The following PRDM16 variants were observed in gnomAD, a reference collection of about 807,000 sequenced individuals.
The protein encoded by PRDM16 is PR/SET domain 16.
A neutral mutation model predicts 110.6 loss-of-function variants in PRDM16; 23 were observed. The observed-to-expected ratio is 0.21, with a 90% CI of 0.15 to 0.29. The LOEUF (loss-of-function observed/expected upper bound fraction) is 0.29. Among genes scored for constraint, PRDM16 ranks in the 10% least tolerant of loss-of-function variants. PRDM16 has a pLI of 1.00. For synonymous variants in PRDM16, 799 were observed against 781.8 expected (o/e 1.02, Z -0.37); for missense variants, 1,615 against 1,794.3 (o/e 0.90, Z 1.81).
At chr1:3,409,732 G>C (rs1202921519) in intron 8 of PRDM16, among the ~76,000 whole-genome samples, 3 of 145,820 alleles carry the variant, frequency 2.1e-5, no homozygotes, top group Non-Finnish European at 4.6e-5. Context: ...GGTGTGTGTA[G>C]TGTGGGTGTG....
rs761838087 is a variant in PRDM16 at position 3,436,497 on chromosome 1, G to A, written c.*2686G>A. The A allele has an allele frequency of 3.9e-5, 9 of 231,138 alleles. No homozygotes were observed. The highest frequency in any genetic ancestry group is 7.7e-5 in the Non-Finnish European group (9 of 116,776). The allele number at this position is 231,138 out of a possible 1,614,324, so 14.3% of individuals were successfully genotyped here. On this transcript the variant is annotated 3_prime_UTR_variant, in exon 17 of 17. Transcript: ENST00000270722. Reference sequence around the variant, plus strand: ...TTCTCCTGAGCATTCAGACCCCCAGGCCCCAGCACTTGGCGTTTTCAGGAG... The same window carrying A: ...TTCTCCTGAGCATTCAGACCCCCAGACCCCAGCACTTGGCGTTTTCAGGAG...
At chr1:3,249,977 C>T (rs776556778) in intron 3 of PRDM16, among the ~76,000 whole-genome samples, 27 of 152,174 alleles carry the variant, frequency 1.8e-4, no homozygotes, top group Non-Finnish European at 3.2e-4. Flanking sequence ...AGGTGTAAGG[C>T]GGCCCAGGCA....
In PRDM16 at chr1:3,209,387, T is replaced by A. The variant is rs1638826965; in HGVS notation, c.387+22913T>A. ...TCCCGACTGGCACACCTGCCCCGAGTCACCTGGGACGGACTGCAGCCAGCC... is the reference window on the plus strand; with the variant it reads ...TCCCGACTGGCACACCTGCCCCGAGACACCTGGGACGGACTGCAGCCAGCC... On this transcript the variant is annotated intron_variant, in intron 2 of 16. Coordinates refer to ENST00000270722, the MANE Select transcript of PRDM16 (RefSeq NM_022114.4). This position sits in a 1 kb window ranked among gnomAD's most constrained non-coding sequence, Gnocchi z 4.6. Among the ~76,000 whole-genome samples the A allele has an allele frequency of 1.3e-5, 2 of 152,020 alleles. No individual in the cohort carries two copies. Among genetic ancestry groups the A allele is most frequent in the African/African-American group, 4.8e-5 (2 of 41,364 alleles).
At position 3,396,544 on chromosome 1, in the gene PRDM16, C is replaced by A; in HGVS notation, c.627C>A (p.His209Gln). ...AGCCAGGTGAGGAGCTGCTGGTGCACGTGAAGGAAGGCGTCTACCCCCTGG... is the reference window on the plus strand; with the variant it reads ...AGCCAGGTGAGGAGCTGCTGGTGCAAGTGAAGGAAGGCGTCTACCCCCTGG... ...DIEPGEELLV[H>Q]VKEGVYPLGT... Residue 209 changes from histidine (H) to glutamine (Q), a missense_variant, in exon 5 of 17, where the codon CAC becomes CAA. His to Gln is a conservative substitution (Grantham distance 24). Coordinates refer to ENST00000270722, the MANE Select transcript of PRDM16 (RefSeq NM_022114.4). 1 of 1,607,406 alleles carries A rather than the reference C, an allele frequency of 6.2e-7. No individual in the cohort carries two copies. Among genetic ancestry groups the A allele is most frequent in the Non-Finnish European group, 8.5e-7 (1 of 1,176,802 alleles).
chr1:3,183,858 A>G (rs1644237715), intron 1 of PRDM16, among the ~76,000 whole-genome samples: 2 of 152,232 alleles, frequency 1.3e-5, no homozygotes, highest in Non-Finnish European at 2.9e-5. Context: ...TCTAATTCCT[A>G]CTTGTCCTTC....
At chr1:3,293,854 G>A (rs959633847) in intron 3 of PRDM16, among the ~76,000 whole-genome samples, 6 of 152,190 alleles carry the variant, frequency 3.9e-5, no homozygotes, top group African/African-American at 1.4e-4. Flanking sequence ...AGGCGATGGC[G>A]TGGCCCGGCC....
intron 3 of PRDM16, among the ~76,000 whole-genome samples, chr1:3,325,725 C>G (rs901695778): frequency 1.3e-5 from 2 of 152,236 alleles, no homozygotes; most frequent in Non-Finnish European, 2.9e-5. Context: ...TCTGGTGTTG[C>G]TGGCCATCCT....
intron 1 of PRDM16, among the ~76,000 whole-genome samples, chr1:3,076,245 C>T (rs1258705455): frequency 6.6e-6 from 1 of 152,142 alleles, no homozygotes; most frequent in East Asian, 1.9e-4. Context: ...TGTTGCGATC[C>T]ACGTCTTTGC....
rs181348109 is a variant in PRDM16, at chr1:3,351,393, T to C, written c.439-33759T>C. Among the ~76,000 whole-genome samples the C allele has an allele frequency of 4.0e-5, 6 of 151,854 alleles. No homozygotes were observed. The East Asian group carries it at 9.8e-4, about 25-fold the overall frequency. On this transcript the variant is annotated intron_variant, in intron 3 of 16. Coordinates refer to ENST00000270722, the MANE Select transcript of PRDM16 (RefSeq NM_022114.4). ...AGGGCCCACGTGGGGTCCCAGAATT[T>C]CTTCAGAACCCAGAACCCGTCTCTA...
chr1:3,163,455 G>T (rs2742673), intron 1 of PRDM16, among the ~76,000 whole-genome samples: 75,188 of 128,174 alleles, frequency 0.59, 25,511 homozygotes, highest in African/African-American at 0.8. Flanking sequence ...CACCTCTGAC[G>T]GTCCAGCCCA....
chr1:3,325,911 TC>T lies in PRDM16; in HGVS notation c.439-59239del, dbSNP rs748910103. ...TGGCCATCCTTGGCCCTCTTGGCCC[TC>T]CTTGGCCCTCCTCGGCCCTCTTGGC... On this transcript the variant is annotated intron_variant, in intron 3 of 16. Transcript: ENST00000270722. Among the ~76,000 whole-genome samples, 33 of 130,968 alleles carry T rather than the reference TC, an allele frequency of 2.5e-4. 1 individual carries two copies. The highest frequency in any genetic ancestry group is 7.2e-4 in the South Asian group (3 of 4,174). The allele number at this position is 130,968 out of a possible 152,430, so 85.9% of individuals were successfully genotyped here.
intron 1 of PRDM16, among the ~76,000 whole-genome samples, chr1:3,098,618 G>A (rs915097800): frequency 4.6e-5 from 7 of 152,194 alleles, no homozygotes; most frequent in African/African-American, 1.2e-4. Context: ...CCCAGGGAGC[G>A]TGGCCACTGC....
intron 2 of PRDM16, among the ~76,000 whole-genome samples, chr1:3,215,980 G>C (rs984105769): frequency 2.0e-5 from 3 of 152,152 alleles, no homozygotes; most frequent in African/African-American, 7.2e-5. Flanking sequence ...AAAAGAGGAG[G>C]CATTTTTCCC....
At chr1:3,129,604 T>TGGGGACCCGGGGC (rs1553130081) in intron 1 of PRDM16, among the ~76,000 whole-genome samples, 1 of 152,086 alleles carries the variant, frequency 6.6e-6, no homozygotes, top group Admixed American at 6.5e-5. Flanking sequence ...CAGGACGGGA[T>TGGGGACCCGGGGC]GGGGACCCGG....
chr1:3,402,264 C>T (rs1643484865), intron 5 of PRDM16, among the ~76,000 whole-genome samples: 1 of 99,464 alleles, frequency 1.0e-5, no homozygotes, highest in Non-Finnish European at 2.5e-5. Context: ...GGGACGGGCC[C>T]AGAGCCCCCC....
chr1:3,193,981 G>C (rs1054089275), intron 2 of PRDM16, among the ~76,000 whole-genome samples: 1 of 152,180 alleles, frequency 6.6e-6, no homozygotes, highest in Non-Finnish European at 1.5e-5. Context: ...CAAAGTCCTG[G>C]CACACCCCTC....
At position 3,186,411 on chromosome 1, in the gene PRDM16, G is replaced by A; in HGVS notation, c.324G>A (p.Glu108=). The A allele has an allele frequency of 1.9e-6, 3 of 1,600,422 alleles. No individual in the cohort carries two copies. The highest frequency in any genetic ancestry group is 1.1e-5 in the South Asian group (1 of 88,834). Residue 108 remains glutamate (E), a synonymous_variant, in exon 2 of 17, where the codon GAG becomes GAA. Coordinates refer to ENST00000270722, the MANE Select transcript of PRDM16 (RefSeq NM_022114.4). ...VWAKRKMEAG[E]RLGPCVVVPR... ...CCAAGAGGAAGATGGAAGCCGGGGA[G>A]AGGCTGGGCCCCTGCGTGGTGGTGC...
chr1:3,283,571 AC>A (rs972133499), intron 3 of PRDM16, among the ~76,000 whole-genome samples: 4 of 152,262 alleles, frequency 2.6e-5, no homozygotes, highest in Admixed American at 2.6e-4. Context: ...GCGAAGGGTT[AC>A]GGGGACCAGA....
At chr1:3,324,489 T>C (rs915211709) in intron 3 of PRDM16, among the ~76,000 whole-genome samples, 1 of 152,116 alleles carries the variant, frequency 6.6e-6, no homozygotes, top group African/African-American at 2.4e-5. Flanking sequence ...GCTCATGCCC[T>C]CATTCCTGGC....
Sources: allele counts gnomAD v4.1 joint callset (sites outside exome capture counted in the v4.1 genomes callset), GRCh38; gene constraint gnomAD v4.1.1; non-coding constraint Gnocchi (gnomAD v3.1); transcripts MANE v1.5; gene names NCBI Gene and HGNC (gene_info 2026-07-23, HGNC 2026-07-21).